Variants in AP3D1 observed in about 807,000 individuals in gnomAD.
The protein encoded by AP3D1 is AP-3 complex subunit delta-1.
A neutral mutation model predicts 147.6 loss-of-function variants in AP3D1; 51 were observed. That is an observed-to-expected ratio of 0.35 (90% CI 0.28 to 0.44). The LOEUF (loss-of-function observed/expected upper bound fraction) is 0.44. Ranked by LOEUF, AP3D1 falls within the 20% of genes least tolerant of loss-of-function variation. The pLI is 1.00. For missense variants in AP3D1, 1,421 were observed against 1,624.2 expected (o/e 0.87, Z 2.15); for synonymous variants, 760 against 663.0 (o/e 1.15, Z -2.25).
At position 2,138,724 on chromosome 19, in the gene AP3D1, G is replaced by A. The variant is rs752064454; in HGVS notation, c.97-10C>T. ...GAGATATGTATTTTGCCTATAATGG[G>A]GGATAAACACAGAGATTACAAACAT... On this transcript the variant is annotated splice_polypyrimidine_tract_variant and intron_variant, in intron 1 of 31. Coordinates refer to ENST00000643116, the MANE Select transcript of AP3D1 (RefSeq NM_001261826.3). The A allele has an allele frequency of 7.6e-6, 12 of 1,587,262 alleles. No homozygotes were observed. The Admixed American group carries it at 1.2e-4, about 15-fold the overall frequency.
intron 31 of AP3D1, among the ~76,000 whole-genome samples, chr19:2,104,325 CAGACCCCAATGCCG>C (rs1231181264): frequency 4.3e-5 from 5 of 115,526 alleles, no homozygotes; most frequent in Admixed American, 4.1e-4. Flanking sequence ...CCCCAACACC[CAGACCCCAATGCCG>C]AGACCGCAAC....
At chr19:2,141,436 CT>C (rs571171291) in intron 1 of AP3D1, among the ~76,000 whole-genome samples, 2,054 of 130,330 alleles carry the variant, frequency 0.016, 41 homozygotes, top group East Asian at 0.098. Context: ...CCCTGGGGTA[CT>C]TTTTTTTTTT....
At chr19:2,161,404 C>T (rs1439083897) in intron 1 of AP3D1, among the ~76,000 whole-genome samples, 7 of 151,818 alleles carry the variant, frequency 4.6e-5, no homozygotes, top group African/African-American at 7.3e-5. Flanking sequence ...TCAGGTGATC[C>T]GCCCCCCTCA....
chr19:2,113,529 C>T (rs1262165036), intron 22 of AP3D1, 116 bp from the exon 23 acceptor site: 2 of 555,586 alleles, frequency 3.6e-6, no homozygotes, highest in Non-Finnish European at 6.1e-6. Context: ...GGGTCCTGGA[C>T]TAGCTGGGCC....
At chr19:2,104,610 A>G (rs2018058601) in intron 31 of AP3D1, among the ~76,000 whole-genome samples, 1 of 151,656 alleles carries the variant, frequency 6.6e-6, no homozygotes, top group Non-Finnish European at 1.5e-5. Context: ...TGCAGACCCC[A>G]ACACCAAGGC....
chr19:2,118,139 A>G (rs1204510226), intron 15 of AP3D1, among the ~76,000 whole-genome samples: 2 of 152,168 alleles, frequency 1.3e-5, no homozygotes, highest in Non-Finnish European at 2.9e-5. Context: ...CAGCCTGGGC[A>G]AAGGAGTGAA....
intron 1 of AP3D1, among the ~76,000 whole-genome samples, chr19:2,159,705 AT>A (rs913645590): frequency 3.3e-3 from 264 of 80,328 alleles, no homozygotes; most frequent in African/African-American, 4.9e-3. Flanking sequence ...TAATTTTTGT[AT>A]TTTTTTTTTT....
upstream of AP3D1, chr19:2,164,525 C>T (rs1261134325): frequency 1.4e-5 from 4 of 289,450 alleles, no homozygotes; most frequent in African/African-American, 2.2e-5. Context: ...GTTGCCCCCG[C>T]CGGGCTGTCC....
chr19:2,123,430 C>G (rs997072076), intron 10 of AP3D1, 24 bp from the exon 11 acceptor site: 3 of 1,613,082 alleles, frequency 1.9e-6, no homozygotes, highest in Non-Finnish European at 2.5e-6. Context: ...AAAAACGATG[C>G]TGGTTACATC....
chr19:2,158,999 A>G (rs920078653), intron 1 of AP3D1, among the ~76,000 whole-genome samples: 5 of 134,434 alleles, frequency 3.7e-5, no homozygotes, highest in Admixed American at 3.0e-4. Context: ...TTTCTGTTAT[A>G]ATTTTTTTTT....
intron 1 of AP3D1, among the ~76,000 whole-genome samples, chr19:2,141,074 AT>A (rs1398806003): frequency 6.6e-6 from 1 of 152,128 alleles, no homozygotes; most frequent in African/African-American, 2.4e-5. Context: ...TAGAAAAAAA[AT>A]GTATTAGTTG....
Position 2,114,664 on chromosome 19 carries a change from C to T in AP3D1, c.2423+84G>A, listed in dbSNP as rs527520372. ...CCCAGCCTGCCCACCCTGCAGAGCC[C>T]GGCCCCACCCGGAAGGGAGGACGAG... is the stretch of plus-strand genomic sequence containing the variant. On this transcript the variant is annotated intron_variant, in intron 21 of 31. Coordinates refer to ENST00000643116, the MANE Select transcript of AP3D1 (RefSeq NM_001261826.3). The T allele has an allele frequency of 6.1e-5, 74 of 1,217,654 alleles. No homozygotes were observed. In the Admixed American group the frequency reaches 8.7e-4, roughly 14 times the overall value. The allele number at this position is 1,217,654 out of a possible 1,614,324, so 75.4% of individuals were successfully genotyped here.
At chr19:2,104,274 G>A (rs368525264) in intron 31 of AP3D1, among the ~76,000 whole-genome samples, 12 of 127,112 alleles carry the variant, frequency 9.4e-5, no homozygotes, top group South Asian at 5.0e-4. Flanking sequence ...ACTCCAAGAC[G>A]CCAACACCCA....
chr19:2,104,234 C>T (rs1157151817), intron 31 of AP3D1, among the ~76,000 whole-genome samples: 5 of 151,362 alleles, frequency 3.3e-5, no homozygotes, highest in African/African-American at 7.3e-5. Flanking sequence ...ACCGAGATGC[C>T]GAAACCCAGA....
chr19:2,140,903 G>A (rs1568304963), intron 1 of AP3D1, among the ~76,000 whole-genome samples: 1 of 151,690 alleles, frequency 6.6e-6, no homozygotes, highest in Non-Finnish European at 1.5e-5. Context: ...GGATTACAGG[G>A]GCACACCACC....
At chr19:2,112,820 A>G in intron 24 of AP3D1, 40 bp downstream of exon 24, 3 of 1,524,150 alleles carry the variant, frequency 2.0e-6, no homozygotes, top group Non-Finnish European at 2.7e-6. Context: ...GCTGGGGCTC[A>G]TGCAGCCCTC....
chr19:2,141,520 G>A (rs544973443), intron 1 of AP3D1, among the ~76,000 whole-genome samples: 78 of 110,158 alleles, frequency 7.1e-4, no homozygotes, highest in Non-Finnish European at 1.1e-3. Flanking sequence ...TGCAACCTCC[G>A]CCTCTCGGTT....
At chr19:2,158,191 G>T (rs2019664098) in intron 1 of AP3D1, among the ~76,000 whole-genome samples, 1 of 152,002 alleles carries the variant, frequency 6.6e-6, no homozygotes. Context: ...CAGTAGCTGG[G>T]ACTACAGGCA....
intron 21 of AP3D1, 88 bp downstream of exon 21, chr19:2,114,660 A>G (rs2018388838): frequency 1.9e-5 from 15 of 790,384 alleles, no homozygotes; most frequent in Non-Finnish European, 2.7e-5. Flanking sequence ...CACCCTGCAG[A>G]GCCCGGCCCC....
Sources: gnomAD v4.1 joint callset for allele counts (sites outside exome capture counted in the v4.1 genomes callset) on GRCh38, gnomAD v4.1.1 for gene constraint, MANE v1.5 for transcripts, NCBI Gene and HGNC (gene_info 2026-07-23, HGNC 2026-07-21) for gene names.